The following ULK4 variants were observed in gnomAD, a reference collection of about 807,000 sequenced individuals.
ULK4 encodes the protein unc-51 like kinase 4.
ULK4 carries 133 observed loss-of-function variants against 160.6 expected under a neutral mutation model. The observed-to-expected ratio is 0.83, with a 90% CI of 0.72 to 0.96. ULK4 has a LOEUF of 0.96. ULK4 is among the 40% of genes least tolerant of loss of function. ULK4 has a pLI of 0.00. For missense variants in ULK4, 1,580 were observed against 1,499.5 expected, an observed-to-expected ratio of 1.05 and a Z score of -0.89; for synonymous variants, 534 against 539.8, an observed-to-expected ratio of 0.99 and a Z score of 0.15.
intron 35 of ULK4, among the ~76,000 whole-genome samples, chr3:41,275,209 T>C (rs2079209214): frequency 1.3e-5 from 2 of 152,244 alleles, no homozygotes; most frequent in Non-Finnish European, 2.9e-5. Flanking sequence ...TCATTGCTAC[T>C]TGGGCTTTGG....
chr3:41,696,173 G>C (rs1016931007), intron 27 of ULK4, among the ~76,000 whole-genome samples: 6 of 151,270 alleles, frequency 4.0e-5, no homozygotes, highest in Non-Finnish European at 5.9e-5. Flanking sequence ...GGCCTGACAT[G>C]AGTCAGGCCC....
intron 32 of ULK4, among the ~76,000 whole-genome samples, chr3:41,464,539 T>G (rs2083778450): frequency 6.6e-6 from 1 of 152,232 alleles, no homozygotes; most frequent in African/African-American, 2.4e-5. Context: ...AAAGCAATTA[T>G]TACAGCATGT....
At chr3:41,696,844 T>C (rs1406075982) in intron 27 of ULK4, among the ~76,000 whole-genome samples, 1 of 152,064 alleles carries the variant, frequency 6.6e-6, no homozygotes, top group Non-Finnish European at 1.5e-5. Context: ...TCAGAGAAGA[T>C]GTAACAATAA....
chr3:41,641,796 G>A (rs1402469670), intron 30 of ULK4, among the ~76,000 whole-genome samples: 2 of 148,076 alleles, frequency 1.4e-5, no homozygotes, highest in East Asian at 2.0e-4. Flanking sequence ...TACCCAAGAA[G>A]AGTAATTGTT....
chr3:41,598,508 C>A (rs780735016), intron 31 of ULK4, among the ~76,000 whole-genome samples: 6 of 152,094 alleles, frequency 3.9e-5, no homozygotes, highest in Non-Finnish European at 8.8e-5. Flanking sequence ...ACAACGAAAC[C>A]TAGAAATTGC....
At chr3:41,567,027 C>A (rs535080088) in intron 31 of ULK4, among the ~76,000 whole-genome samples, 3 of 152,130 alleles carry the variant, frequency 2.0e-5, no homozygotes, top group East Asian at 3.9e-4. Context: ...CTACGTCCTG[C>A]GCCCATTCAC....
chr3:41,530,399 C>CAA (rs1465654993), intron 32 of ULK4, among the ~76,000 whole-genome samples: 10 of 152,124 alleles, frequency 6.6e-5, no homozygotes, highest in African/African-American at 2.4e-4. Context: ...TTGCACTGGG[C>CAA]CCTTATGTCA....
At position 41,702,405 on chromosome 3, in the gene ULK4, A is replaced by G. The variant is rs572197990; in HGVS notation, c.2781+2652T>C. On this transcript the variant is annotated intron_variant, in intron 27 of 36. Transcript: ENST00000301831. Reference sequence around the variant, plus strand: ...TGTGATCTGTCTGCCTCGGCCTCCCAAAGTGCTGGGATTACAGGCATGAGT... The same window carrying G: ...TGTGATCTGTCTGCCTCGGCCTCCCGAAGTGCTGGGATTACAGGCATGAGT... Among the ~76,000 whole-genome samples the G allele has an allele frequency of 2.0e-5, 3 of 152,298 alleles. No individual in the cohort carries two copies. In the East Asian group the frequency reaches 5.8e-4, roughly 29 times the overall value.
rs368667621 is a variant in ULK4 at position 41,345,250 on chromosome 3, T to G, written c.3678+52829A>C. Among the ~76,000 whole-genome samples, 5 of 152,290 alleles carry G rather than the reference T, an allele frequency of 3.3e-5. No homozygotes were observed. In the East Asian group the frequency reaches 5.8e-4, roughly 18 times the overall value. ...AAAGACCTAGAGGCAGAAATACCAT[T>G]TGACCCAGCAATCCCATTACTGGAT... On this transcript the variant is annotated intron_variant, in intron 35 of 36. Coordinates refer to ENST00000301831, the MANE Select transcript of ULK4 (RefSeq NM_017886.4).
intron 32 of ULK4, among the ~76,000 whole-genome samples, chr3:41,558,013 G>T (rs2087367410): frequency 6.6e-6 from 1 of 152,090 alleles, no homozygotes; most frequent in African/African-American, 2.4e-5. Flanking sequence ...ACATGCTCTT[G>T]TGGAAATATA....
chr3:41,386,191 T>C (rs1047553982), intron 35 of ULK4, among the ~76,000 whole-genome samples: 2 of 152,196 alleles, frequency 1.3e-5, no homozygotes, highest in African/African-American at 4.8e-5. Context: ...GATTTAGCTA[T>C]TATCTCAATA....
chr3:41,322,575 C>A (rs2080266107), intron 35 of ULK4, among the ~76,000 whole-genome samples: 1 of 152,172 alleles, frequency 6.6e-6, no homozygotes, highest in South Asian at 2.1e-4. Context: ...CCTAATGAAC[C>A]AGAATCTCAC....
At chr3:41,362,646 T>C (rs1458673579) in intron 35 of ULK4, among the ~76,000 whole-genome samples, 1 of 152,208 alleles carries the variant, frequency 6.6e-6, no homozygotes, top group Non-Finnish European at 1.5e-5. Flanking sequence ...CATTAGGTTG[T>C]TCTAATATTA....
At chr3:41,935,218 T>TATTTA (rs1699732507) in intron 4 of ULK4, among the ~76,000 whole-genome samples, 3 of 4,748 alleles carry the variant, frequency 6.3e-4, no homozygotes, top group South Asian at 0.015. Context: ...TATTTTTTTT[T>TATTTA]TTTTTTTTTT....
At chr3:41,504,804 G>C (rs2085324191) in intron 32 of ULK4, among the ~76,000 whole-genome samples, 1 of 152,122 alleles carries the variant, frequency 6.6e-6, no homozygotes, top group African/African-American at 2.4e-5. Context: ...TTTGCAGATA[G>C]ATCATTTTCA....
intron 17 of ULK4, among the ~76,000 whole-genome samples, chr3:41,840,720 G>A (rs991355160): frequency 4.6e-5 from 7 of 152,194 alleles, no homozygotes; most frequent in Admixed American, 2.6e-4. Flanking sequence ...ATCTCAGATC[G>A]CCACAACCTC....
chr3:41,797,329 C>T (rs1388172790), intron 20 of ULK4, among the ~76,000 whole-genome samples: 4 of 152,136 alleles, frequency 2.6e-5, no homozygotes, highest in Non-Finnish European at 2.9e-5. Context: ...TGCCAACCTC[C>T]GATGTAAAAA....
At chr3:41,756,293 C>G (rs2038801897) in intron 21 of ULK4, among the ~76,000 whole-genome samples, 2 of 152,142 alleles carry the variant, frequency 1.3e-5, no homozygotes, top group Admixed American at 6.6e-5. Context: ...TCGGCTTTAT[C>G]TAATTTTCCT....
At chr3:41,941,224 G>A (rs1699942926) in intron 2 of ULK4, among the ~76,000 whole-genome samples, 1 of 146,506 alleles carries the variant, frequency 6.8e-6, no homozygotes, top group Non-Finnish European at 1.5e-5. Flanking sequence ...TTTTTGTAGA[G>A]ACAAGGTCTC....
Sources: gnomAD v4.1 joint callset for allele counts (sites outside exome capture counted in the v4.1 genomes callset) on GRCh38, gnomAD v4.1.1 for gene constraint, MANE v1.5 for transcripts, NCBI Gene and HGNC (gene_info 2026-07-23, HGNC 2026-07-21) for gene names.